Variants in DGKB observed in about 807,000 individuals in gnomAD.
DGKB encodes 90 kDa diacylglycerol kinase.
Under a neutral mutation model 114.3 loss-of-function variants are expected in DGKB, and 67 were observed. The ratio of observed to expected loss-of-function variants is 0.59; its 90% CI spans 0.48 to 0.72. The LOEUF is 0.72. Ranked by LOEUF, DGKB falls within the 30% of genes least tolerant of loss-of-function variation. DGKB has a pLI of 0.00. For synonymous variants in DGKB, 398 were observed against 323.1 expected (o/e 1.23, Z -2.49); for missense variants, 907 against 975.2 (o/e 0.93, Z 0.93).
intron 25 of DGKB, among the ~76,000 whole-genome samples, chr7:14,175,034 A>G (rs1305010078): frequency 1.1e-4 from 17 of 152,248 alleles, no homozygotes. Flanking sequence ...TAAAACCATT[A>G]CAAAGGTAAA....
At chr7:14,487,009 G>A (rs1039574022) in intron 20 of DGKB, among the ~76,000 whole-genome samples, 4 of 152,060 alleles carry the variant, frequency 2.6e-5, no homozygotes, top group African/African-American at 4.8e-5. Flanking sequence ...AAATTGATAC[G>A]TAGCATCACC....
At chr7:14,917,114 A>G (rs1784279873) in intron 1 of DGKB, among the ~76,000 whole-genome samples, 1 of 152,120 alleles carries the variant, frequency 6.6e-6, no homozygotes, top group Admixed American at 6.5e-5. Flanking sequence ...ATGTCAAAAT[A>G]TGTGGAACAC....
In DGKB at chr7:14,841,415, T is replaced by C. The variant is rs1305579616; in HGVS notation, c.-152A>G. On this transcript the variant is annotated 5_prime_UTR_variant, in exon 2 of 26. Transcript: ENST00000402815. Reference sequence around the variant, plus strand: ...ATGCAATCTGTCCACATGAAACTGCTTTGGATGCTTGTAATTTCAATAATG... The same window carrying C: ...ATGCAATCTGTCCACATGAAACTGCCTTGGATGCTTGTAATTTCAATAATG... The C allele has an allele frequency of 3.8e-6, 2 of 523,594 alleles. No homozygotes were observed. Among genetic ancestry groups the C allele is most frequent in the African/African-American group, 3.9e-5 (2 of 50,996 alleles). The allele number at this position is 523,594 out of a possible 1,614,324, so 32.4% of individuals were successfully genotyped here. A position where few individuals can be genotyped will look rare whatever the true frequency, so the allele number is the denominator to read the frequency against.
At chr7:14,689,841 T>G (rs1822502381) in intron 9 of DGKB, among the ~76,000 whole-genome samples, 1 of 152,210 alleles carries the variant, frequency 6.6e-6, no homozygotes, top group African/African-American at 2.4e-5. Context: ...CTATTCTCCA[T>G]CACTCAGGAA....
intron 13 of DGKB, among the ~76,000 whole-genome samples, chr7:14,638,115 G>A (rs1354963431): frequency 6.6e-6 from 1 of 151,942 alleles, no homozygotes; most frequent in African/African-American, 2.4e-5. Flanking sequence ...TCAGAATTCT[G>A]AAAATGTTCC....
intron 1 of DGKB, among the ~76,000 whole-genome samples, chr7:14,910,309 AG>A (rs1562869098): frequency 2.7e-4 from 38 of 139,180 alleles, no homozygotes; most frequent in African/African-American, 8.9e-4. Flanking sequence ...AAAGAAAGAA[AG>A]AAAGAACCTT....
intron 5 of DGKB, among the ~76,000 whole-genome samples, chr7:14,729,924 A>C (rs1830670255): frequency 6.6e-6 from 1 of 152,166 alleles, no homozygotes; most frequent in Admixed American, 6.5e-5. Flanking sequence ...TAAATGGCAC[A>C]CCTATCAATT....
chr7:14,415,713 TG>T (rs1691528333), intron 21 of DGKB, among the ~76,000 whole-genome samples: 1 of 152,176 alleles, frequency 6.6e-6, no homozygotes, highest in Non-Finnish European at 1.5e-5. Context: ...CTATGGTGAA[TG>T]GTGCTGCAAT....
At chr7:14,205,224 C>G (rs757393038) in intron 23 of DGKB, among the ~76,000 whole-genome samples, 13 of 151,924 alleles carry the variant, frequency 8.6e-5, no homozygotes, top group Non-Finnish European at 1.3e-4. Context: ...GAGATTCATC[C>G]TGATATCTGC....
chr7:14,921,936 T>A (rs372166261), intron 1 of DGKB, among the ~76,000 whole-genome samples: 7 of 152,204 alleles, frequency 4.6e-5, no homozygotes, highest in African/African-American at 1.7e-4. Context: ...CAATCCACTG[T>A]GTTCTGATTA....
At chr7:14,499,348 T>C (rs1393372574) in intron 20 of DGKB, among the ~76,000 whole-genome samples, 2 of 151,744 alleles carry the variant, frequency 1.3e-5, no homozygotes, top group Middle Eastern at 3.2e-3. Context: ...CTTCATTTGA[T>C]TTGAAAAATA....
intron 20 of DGKB, among the ~76,000 whole-genome samples, chr7:14,529,287 G>C (rs947983023): frequency 6.6e-6 from 1 of 151,934 alleles, no homozygotes; most frequent in African/African-American, 2.4e-5. Context: ...TGGGCAAGAA[G>C]AGAAGGGTTT....
intron 1 of DGKB, among the ~76,000 whole-genome samples, chr7:14,920,254 T>A (rs780422347): frequency 1.1e-4 from 16 of 152,198 alleles, no homozygotes; most frequent in Non-Finnish European, 2.4e-4. Context: ...GCAAATTACA[T>A]ATCTGATAAT....
At chr7:14,360,737 A>G (rs988875332) in intron 21 of DGKB, among the ~76,000 whole-genome samples, 1 of 152,086 alleles carries the variant, frequency 6.6e-6, no homozygotes, top group Non-Finnish European at 1.5e-5. Flanking sequence ...AATATGAATG[A>G]CACCCCAAAT....
chr7:14,840,118 T>C (rs1314089990), intron 2 of DGKB, among the ~76,000 whole-genome samples: 1 of 152,196 alleles, frequency 6.6e-6, no homozygotes, highest in Non-Finnish European at 1.5e-5. Flanking sequence ...CTTTATAATA[T>C]CATCCAACTA....
intron 20 of DGKB, among the ~76,000 whole-genome samples, chr7:14,557,312 T>G (rs1379649214): frequency 6.6e-6 from 1 of 152,238 alleles, no homozygotes; most frequent in Non-Finnish European, 1.5e-5. Flanking sequence ...TATACTTATT[T>G]AAATATTTTC....
intron 23 of DGKB, among the ~76,000 whole-genome samples, chr7:14,226,219 G>C (rs999657284): frequency 4.0e-5 from 6 of 151,658 alleles, no homozygotes; most frequent in African/African-American, 1.2e-4. Flanking sequence ...TGAATTTCAG[G>C]GAAAAATGCT....
At chr7:14,465,139 T>G (rs1833643875) in intron 21 of DGKB, among the ~76,000 whole-genome samples, 1 of 152,190 alleles carries the variant, frequency 6.6e-6, no homozygotes, top group African/African-American at 2.4e-5. Flanking sequence ...TACTCCATTT[T>G]GCATTTACCT....
At chr7:14,809,208 A>G (rs1364190938) in intron 2 of DGKB, among the ~76,000 whole-genome samples, 1 of 152,138 alleles carries the variant, frequency 6.6e-6, no homozygotes, top group African/African-American at 2.4e-5. Context: ...TATTATTTAT[A>G]TCAGGCACTT....
Sources: allele counts gnomAD v4.1 joint callset (sites outside exome capture counted in the v4.1 genomes callset), GRCh38; gene constraint gnomAD v4.1.1; transcripts MANE v1.5; gene names NCBI Gene and HGNC (gene_info 2026-07-23, HGNC 2026-07-21).